The following GSE1 variants were observed in gnomAD, a reference collection of about 807,000 sequenced individuals.
GSE1 encodes genetic suppressor element 1.
In GSE1, 32 loss-of-function variants were observed where a neutral mutation model predicts 112.6. The observed-to-expected ratio is 0.28, with a 90% confidence interval of 0.21 to 0.38. GSE1 has a LOEUF of 0.38. Ranked by LOEUF, GSE1 falls within the 10% of genes least tolerant of loss-of-function variation. GSE1 has a pLI of 1.00. For missense variants in GSE1, 2,348 were observed against 1,699.2 expected, an observed-to-expected ratio of 1.38 and a Z score of -6.71; for synonymous variants, 1,115 against 735.6, an observed-to-expected ratio of 1.52 and a Z score of -8.35.
intron 9 of GSE1, chr16:85,662,703 C>T (rs1278905433): frequency 6.6e-6 from 3 of 452,312 alleles, no homozygotes; most frequent in Non-Finnish European, 8.0e-6. Flanking sequence ...ATGAATGGTT[C>T]CCTGCCAGGG....
chr16:85,177,443 G>A (rs1157612876), intron 1 of GSE1, among the ~76,000 whole-genome samples: 1 of 152,192 alleles, frequency 6.6e-6, no homozygotes, highest in African/African-American at 2.4e-5. Flanking sequence ...TGCAGGACTT[G>A]CCTCCTGACT....
At chr16:85,295,023 T>C (rs2045328456) in intron 1 of GSE1, among the ~76,000 whole-genome samples, 1 of 151,824 alleles carries the variant, frequency 6.6e-6, no homozygotes, top group Non-Finnish European at 1.5e-5. Context: ...GGTTCTAGGA[T>C]TACAGATGGG....
At chr16:85,508,416 C>T (rs1021154363) in intron 2 of GSE1, among the ~76,000 whole-genome samples, 2 of 152,194 alleles carry the variant, frequency 1.3e-5, no homozygotes, top group Non-Finnish European at 1.5e-5. Context: ...TCTGTTTCCA[C>T]ACCACCAGGG....
chr16:85,382,752 T>G (rs902688459), intron 2 of GSE1, among the ~76,000 whole-genome samples: 1 of 149,888 alleles, frequency 6.7e-6, no homozygotes, highest in African/African-American at 2.5e-5. Flanking sequence ...CTCAAGCATG[T>G]GCACACACAT....
chr16:85,411,628 T>C (rs1340882670), intron 2 of GSE1, among the ~76,000 whole-genome samples: 14 of 12,874 alleles, frequency 1.1e-3, no homozygotes, highest in Admixed American at 2.0e-3. Context: ...TAATTCTCAC[T>C]GTTACACTCA....
rs80082051 is a variant in GSE1 at position 85,456,877 on chromosome 16, C to A, written c.2464+99234C>A. ...GACGGTGGGACTCACAGGAGAGACACCGGCAGGCTGTGTTTTCAAAGAAGA... is the reference window on the plus strand; with the variant it reads ...GACGGTGGGACTCACAGGAGAGACAACGGCAGGCTGTGTTTTCAAAGAAGA... On this transcript the variant is annotated intron_variant, in intron 2 of 2. Transcript: ENST00000637419. 2.4e-3 allele frequency among the ~76,000 whole-genome samples: 360 copies of A among 152,168 alleles called. 2 individuals are homozygous for A. The highest frequency in any genetic ancestry group is 8.2e-3 in the African/African-American group (340 of 41,502).
chr16:85,270,054 C>G (rs533658724), intron 1 of GSE1, among the ~76,000 whole-genome samples: 2 of 149,352 alleles, frequency 1.3e-5, no homozygotes, highest in East Asian at 1.9e-4. Context: ...CTGCTGGACT[C>G]CACCCCATGC....
chr16:85,283,985 G>T (rs987119029), intron 1 of GSE1, among the ~76,000 whole-genome samples: 5 of 152,212 alleles, frequency 3.3e-5, no homozygotes, highest in Admixed American at 1.3e-4. Flanking sequence ...CTGGGCCTCA[G>T]TTTCCTCTTG....
intron 2 of GSE1, among the ~76,000 whole-genome samples, chr16:85,443,952 G>A (rs901950359): frequency 2.3e-4 from 35 of 151,082 alleles, no homozygotes; most frequent in Admixed American, 7.3e-4. Context: ...CCCTGGGGGT[G>A]GCTGCCACGT....
At chr16:85,364,785 G>A (rs1232205428) in intron 2 of GSE1, among the ~76,000 whole-genome samples, 5 of 152,154 alleles carry the variant, frequency 3.3e-5, no homozygotes, top group Non-Finnish European at 5.9e-5. Context: ...ACGGGGAGCA[G>A]GACAGCAGCC....
chr16:85,519,293 TCACC>T (rs1176708684), intron 2 of GSE1, among the ~76,000 whole-genome samples: 6 of 129,790 alleles, frequency 4.6e-5, no homozygotes, highest in Non-Finnish European at 8.9e-5. Context: ...ACCACCACCA[TCACC>T]GGTCTCCATC....
At chr16:85,637,651 C>T (rs1001963334) in intron 2 of GSE1, among the ~76,000 whole-genome samples, 3 of 152,254 alleles carry the variant, frequency 2.0e-5, no homozygotes, top group Non-Finnish European at 4.4e-5. Flanking sequence ...CCGGCTTGCC[C>T]GGGTCCCACG....
chr16:85,180,310 G>C (rs1294323610), intron 1 of GSE1, among the ~76,000 whole-genome samples: 1 of 152,258 alleles, frequency 6.6e-6, no homozygotes, highest in Non-Finnish European at 1.5e-5. Context: ...CACTTGGCGA[G>C]AGTGGGCTGG....
chr16:85,382,007 C>T (rs1258751914), intron 2 of GSE1, among the ~76,000 whole-genome samples: 18 of 152,240 alleles, frequency 1.2e-4, no homozygotes, highest in Non-Finnish European at 8.8e-5. Context: ...GGCTGTCAGC[C>T]AAGCTGGCTC....
At chr16:85,404,387 TAC>T in intron 2 of GSE1, among the ~76,000 whole-genome samples, 1 of 6,868 alleles carries the variant, frequency 1.5e-4, no homozygotes. Flanking sequence ...TCCTCACTGT[TAC>T]ACTCAGGCCC....
At chr16:85,575,683 G>A (rs939782673) in intron 1 of GSE1, among the ~76,000 whole-genome samples, 1 of 152,054 alleles carries the variant, frequency 6.6e-6, no homozygotes, top group African/African-American at 2.4e-5. Flanking sequence ...TTTGACATCT[G>A]TAACTAACAG....
At chr16:85,647,719 T>C (rs1006132361) in intron 2 of GSE1, among the ~76,000 whole-genome samples, 2 of 152,188 alleles carry the variant, frequency 1.3e-5, no homozygotes, top group Non-Finnish European at 2.9e-5. Context: ...CCCGAGTAGC[T>C]GGGACTACAG....
Position 85,179,824 on chromosome 16 carries a change from C to T in GSE1, c.2283+8017C>T, listed in dbSNP as rs116814976. ...GCTTTTGCCTTGCTCCAGCCACAAC[C>T]CTGGGCATCAGAAGCCTTGGGTTAT... On this transcript the variant is annotated intron_variant, in intron 1 of 2. Coordinates refer to the GSE1 transcript ENST00000637419. Among the ~76,000 whole-genome samples the T allele has an allele frequency of 4.3e-3, 653 of 152,300 alleles. 4 individuals are homozygous for T. The highest frequency in any genetic ancestry group is 0.015 in the African/African-American group (627 of 41,562).
At chr16:85,303,489 C>T (rs2045581680) in intron 1 of GSE1, among the ~76,000 whole-genome samples, 1 of 152,266 alleles carries the variant, frequency 6.6e-6, no homozygotes, top group African/African-American at 2.4e-5. Context: ...CCGCTGTCCG[C>T]CGCTTGCTGA....
Sources: allele counts gnomAD v4.1 joint callset (sites outside exome capture counted in the v4.1 genomes callset), GRCh38; gene constraint gnomAD v4.1.1; transcripts MANE v1.5; gene names NCBI Gene and HGNC (gene_info 2026-07-23, HGNC 2026-07-21).